UNCX: variants seen among roughly 807,000 people sequenced by gnomAD.
UNCX encodes the protein homeobox protein unc-4 homolog.
UNCX carries 4 observed loss-of-function variants against 14.8 expected under a neutral mutation model. The observed-to-expected ratio is 0.27, with a 90% confidence interval of 0.13 to 0.62. UNCX has a LOEUF of 0.62. UNCX is among the 20% of genes least tolerant of loss of function. The probability of loss-of-function intolerance (pLI) is 0.86; values close to 1 mark genes in which losing one functional copy is unlikely to be tolerated. For synonymous variants in UNCX, 459 were observed against 395.8 expected (o/e 1.16, Z -1.90); for missense variants, 749 against 786.8 (o/e 0.95, Z 0.58).
At chr7:1,234,588 T>C (rs1778705691) in intron 2 of UNCX, among the ~76,000 whole-genome samples, 1 of 150,712 alleles carries the variant, frequency 6.6e-6, no homozygotes, top group Admixed American at 6.6e-5. Context: ...TCTAAAAAGG[T>C]GTGTTTGTCC....
In UNCX at chr7:1,236,216, G is replaced by C. The variant is rs1288598830; in HGVS notation, c.835G>C (p.Gly279Arg). The C allele has an allele frequency of 1.8e-5, 24 of 1,344,364 alleles. No homozygotes were observed. The highest frequency in any genetic ancestry group is 2.7e-5 in the Admixed American group (1 of 36,728). The allele number at this position is 1,344,364 out of a possible 1,614,324, so 83.3% of individuals were successfully genotyped here. Reference sequence around the variant, plus strand: ...CCCTCCCGGCGAGCCGCCTGCACCCGGCACCTGCGACCCCGCCTTCTACCC... The same window carrying C: ...CCCTCCCGGCGAGCCGCCTGCACCCCGCACCTGCGACCCCGCCTTCTACCC... ...PAPPGEPPAP[G>R]TCDPAFYPSQ... The change falls in exon 3 of 3, where the codon GGC (glycine) becomes CGC (arginine). Residue 279 changes from glycine to arginine, a missense_variant. Transcript: ENST00000316333. The surrounding 1 kb of genome is among the most constrained non-coding windows in gnomAD (Gnocchi z 6.9).
chr7:1,235,743 C>T, intron 2 of UNCX, 89 bp from the exon 3 acceptor site: 1 of 1,228,572 alleles, frequency 8.1e-7, no homozygotes, highest in Non-Finnish European at 1.1e-6. Context: ...GTTGTGCAGG[C>T]CCCTCTGGGG....
In UNCX at chr7:1,236,414, C is replaced by T. The variant is rs1195677089; in HGVS notation, c.1033C>T (p.Arg345Trp). ...CCTCCTGTCCGACTCGCCGCCGCGC[C>T]GGAAAGCCGCTTCCAACGCCGCCGC... The part of the protein sequence containing the change: ...ESLLSDSPPR[R>W]KAASNAAAAA... Residue 345 changes from arginine (R) to tryptophan (W), a missense_variant, in exon 3 of 3, where the codon CGG becomes TGG. Physicochemically the swap from Arg to Trp is moderately radical, Grantham distance 101. This residue lies in a region of UNCX where 552 missense variants were observed against 507.2 expected (regional missense o/e 1.09). Transcript: ENST00000316333. The surrounding 1 kb of genome is among the most constrained non-coding windows in gnomAD (Gnocchi z 6.9). The T allele has an allele frequency of 2.2e-6, 3 of 1,369,666 alleles. No homozygotes were observed. The highest frequency in any genetic ancestry group is 1.6e-5 in the African/African-American group (1 of 64,452). The allele number at this position is 1,369,666 out of a possible 1,614,324, so 84.8% of individuals were successfully genotyped here. A position where few individuals can be genotyped will look rare whatever the true frequency, so the allele number is the denominator to read the frequency against.
In UNCX at chr7:1,236,014, G is replaced by A. The variant is rs749074935; in HGVS notation, c.633G>A (p.Leu211=). 1.2e-6 allele frequency: 2 copies of A among 1,606,986 alleles called. No homozygotes were observed. Among genetic ancestry groups the A allele is most frequent in the South Asian group, 1.1e-5 (1 of 90,368 alleles). Residue 211 remains leucine, a synonymous_variant, in exon 3 of 3, where the codon CTG becomes CTA. Transcript: ENST00000316333. This position sits in a 1 kb window ranked among gnomAD's most constrained non-coding sequence, Gnocchi z 6.9. ...AGAAGCGCAAGCACGAGAAGAAGCT[G>A]CTGAAGAGCCAGGGCCGCCACTTGC... ...EKKKRKHEKK[L]LKSQGRHLHS...
Position 1,233,030 on chromosome 7 carries a change from C to A in UNCX, c.13C>A (p.Arg5Ser). 9 of 1,283,810 alleles carry A rather than the reference C, an allele frequency of 7.0e-6. No homozygotes were observed. Among genetic ancestry groups the A allele is most frequent in the Non-Finnish European group, 8.9e-6 (9 of 1,013,012 alleles). The allele number at this position is 1,283,810 out of a possible 1,614,324, so 79.5% of individuals were successfully genotyped here. A position where few individuals can be genotyped will look rare whatever the true frequency, so the allele number is the denominator to read the frequency against. ...CCCCCCGCGCGAGATGATGGACGGCCGCCTCCTGGAACACCCGCATGCCCA... is the reference window on the plus strand; with the variant it reads ...CCCCCCGCGCGAGATGATGGACGGCAGCCTCCTGGAACACCCGCATGCCCA... MMDG[R>S]LLEHPHAQFG... The change falls in exon 1 of 3, where the codon CGC becomes AGC. Residue 5 changes from arginine to serine, a missense_variant. Arg to Ser is a moderately radical substitution (Grantham distance 110). Coordinates refer to ENST00000316333, the MANE Select transcript of UNCX (RefSeq NM_001080461.3). This position sits in a 1 kb window ranked among gnomAD's most constrained non-coding sequence, Gnocchi z 5.3.
Position 1,236,294 on chromosome 7 carries a change from A to G in UNCX, c.913A>G (p.Lys305Glu), listed in dbSNP as rs946348875. Residue 305 changes from lysine (K) to glutamate (E), a missense_variant, in exon 3 of 3, where the codon AAG becomes GAG. Lys to Glu is a moderately conservative substitution (Grantham distance 56, BLOSUM62 1). This residue lies in a region of UNCX where 552 missense variants were observed against 507.2 expected (regional missense o/e 1.09). Coordinates refer to ENST00000316333, the MANE Select transcript of UNCX (RefSeq NM_001080461.3). This position sits in a 1 kb window ranked among gnomAD's most constrained non-coding sequence, Gnocchi z 6.9. ...GCCGCGCCCAGGTCGCCCTGCGGAC[A>G]AGGACGCGGCCTCGTGCGGGCCAGG... is the stretch of plus-strand genomic sequence containing the variant. ...PQPRPGRPADKDAASCGPGAA... is the reference protein window; with the variant it reads ...PQPRPGRPADEDAASCGPGAA... The G allele has an allele frequency of 3.6e-6, 5 of 1,372,150 alleles. No individual in the cohort carries two copies. Among genetic ancestry groups the G allele is most frequent in the Middle Eastern group, 2.7e-4 (1 of 3,666 alleles). 85.0% of individuals were successfully genotyped at this position (1,372,150 alleles called of 1,614,324 possible).
rs1778748345 is a variant in UNCX, at chr7:1,236,628, C to G, written c.1247C>G (p.Pro416Arg). Residue 416 changes from proline (P) to arginine (R), a missense_variant, in exon 3 of 3, where the codon CCG becomes CGG. Pro to Arg is a moderately radical substitution (Grantham distance 103). Transcript: ENST00000316333. The surrounding 1 kb of genome is among the most constrained non-coding windows in gnomAD (Gnocchi z 6.9). Reference sequence around the variant, plus strand: ...GACGCGCCGCCCGCGCCCGCCGTGCCGCCCGCGCCGCCTGCCCAGGCCAGT... The same window carrying G: ...GACGCGCCGCCCGCGCCCGCCGTGCGGCCCGCGCCGCCTGCCCAGGCCAGT... ...PKDAPPAPAV[P>R]PAPPAQASFG... The G allele has an allele frequency of 1.9e-6, 2 of 1,057,560 alleles. No individual in the cohort carries two copies. The highest frequency in any genetic ancestry group is 2.3e-6 in the Non-Finnish European group (2 of 882,824). The allele number at this position is 1,057,560 out of a possible 1,614,324, so 65.5% of individuals were successfully genotyped here. A position where few individuals can be genotyped will look rare whatever the true frequency, so the allele number is the denominator to read the frequency against.
rs1385746299 is a variant in UNCX, at chr7:1,237,244, A to T, written c.*267A>T. ...GCCCCCAAAAAACCCCACAACGAGA[A>T]TCCTCAGCCTTGTAAAATGCAAAAA... On this transcript the variant is annotated 3_prime_UTR_variant, in exon 3 of 3. Transcript: ENST00000316333. The surrounding 1 kb of genome is among the most constrained non-coding windows in gnomAD (Gnocchi z 5.8). 5.7e-6 allele frequency: 1 copy of T among 175,578 alleles called. No homozygotes were observed. The highest frequency in any genetic ancestry group is 2.4e-5 in the African/African-American group (1 of 42,100). 10.9% of individuals were successfully genotyped at this position (175,578 alleles called of 1,614,324 possible).
intron 2 of UNCX, among the ~76,000 whole-genome samples, chr7:1,235,314 A>C (rs1038354609): frequency 6.6e-6 from 1 of 152,182 alleles, no homozygotes; most frequent in Non-Finnish European, 1.5e-5. Flanking sequence ...ATTTCCCTTC[A>C]AGGGATTCCG....
chr7:1,236,853 C>T lies in UNCX; in HGVS notation c.1472C>T (p.Pro491Leu), dbSNP rs940265208. 5.8e-5 allele frequency: 59 copies of T among 1,011,694 alleles called. No homozygotes were observed. The Admixed American group carries it at 1.9e-3, about 33-fold the overall frequency. 62.7% of individuals were successfully genotyped at this position (1,011,694 alleles called of 1,614,324 possible). Residue 491 changes from proline to leucine, a missense_variant, in exon 3 of 3, where the codon CCG becomes CTG. Transcript: ENST00000316333. The surrounding 1 kb of genome is among the most constrained non-coding windows in gnomAD (Gnocchi z 6.9). ...GGCCCCGCGCCCCCGCCGCCCGCGC[C>T]GTCGCCCAGGCCCGGCCCTCGGCCT... ...TAGPAPPPPA[P>L]SPRPGPRPPS...
rs562558370 is a variant in UNCX, at chr7:1,233,415, G to GCT, written c.275-104_275-103insTC. On this transcript the variant is annotated intron_variant, in intron 1 of 2. Transcript: ENST00000316333. This position sits in a 1 kb window ranked among gnomAD's most constrained non-coding sequence, Gnocchi z 5.3. ...CCGGCTCCTAGGCGGCCGTCTCTGC[G>GCT]CCCCCCCCCCCGGATCCAGGCGGCC... The GCT allele has an allele frequency of 4.4e-6, 5 of 1,135,038 alleles. No homozygotes were observed. Among genetic ancestry groups the GCT allele is most frequent in the South Asian group, 2.2e-5 (1 of 44,826 alleles). The allele number at this position is 1,135,038 out of a possible 1,614,324, so 70.3% of individuals were successfully genotyped here. A position where few individuals can be genotyped will look rare whatever the true frequency, so the allele number is the denominator to read the frequency against.
rs1187363943 is a variant in UNCX at position 1,233,033 on chromosome 7, C to A, written c.16C>A (p.Leu6Ile). 7 of 1,307,602 alleles carry A rather than the reference C, an allele frequency of 5.4e-6. No homozygotes were observed. In the East Asian group the frequency reaches 1.9e-4, roughly 36 times the overall value. The allele number at this position is 1,307,602 out of a possible 1,614,324, so 81.0% of individuals were successfully genotyped here. A position where few individuals can be genotyped will look rare whatever the true frequency, so the allele number is the denominator to read the frequency against. ...CCCGCGCGAGATGATGGACGGCCGC[C>A]TCCTGGAACACCCGCATGCCCAGTT... Reference protein sequence around the residue: MMDGRLLEHPHAQFGG... With the variant: MMDGRILEHPHAQFGG... Residue 6 changes from leucine (L) to isoleucine (I), a missense_variant, in exon 1 of 3, where the codon CTC becomes ATC. By Grantham distance (5) the Leu-to-Ile change is conservative (BLOSUM62 2). Coordinates refer to ENST00000316333, the MANE Select transcript of UNCX (RefSeq NM_001080461.3). This position sits in a 1 kb window ranked among gnomAD's most constrained non-coding sequence, Gnocchi z 5.3.
intron 2 of UNCX, among the ~76,000 whole-genome samples, chr7:1,234,144 A>C (rs969764477): frequency 2.1e-4 from 32 of 151,564 alleles, no homozygotes; most frequent in Admixed American, 2.0e-3. Flanking sequence ...GGAGCGAACG[A>C]GTCTGTTTAC....
rs200835037 is a variant in UNCX, at chr7:1,233,701, G to C, written c.450+6G>C. ...TGGTCGAGTCCCGAGTTCAGGTAAA[G>C]ACCCGGCGTCGCTCCCGGATCTGCC... On this transcript the variant is annotated splice_donor_region_variant and intron_variant, in intron 2 of 2. Transcript: ENST00000316333. This position sits in a 1 kb window ranked among gnomAD's most constrained non-coding sequence, Gnocchi z 5.3. The C allele has an allele frequency of 3.1e-6, 5 of 1,588,350 alleles. No homozygotes were observed. The Admixed American group carries it at 6.9e-5, about 22-fold the overall frequency.
At position 1,233,526 on chromosome 7, in the gene UNCX, G is replaced by A; in HGVS notation, c.281G>A (p.Gly94Glu). ...DGQPFKLSDS[G>E]DPDKESPGCK... Reference sequence around the variant, plus strand: ...GTCCTGTGACTGCCCGCAGACTCGGGGGACCCGGACAAGGAGAGCCCGGGC... The same window carrying A: ...GTCCTGTGACTGCCCGCAGACTCGGAGGACCCGGACAAGGAGAGCCCGGGC... Residue 94 changes from glycine (G) to glutamate (E), a missense_variant, in exon 2 of 3, where the codon GGG (glycine) becomes GAG (glutamate). Gly to Glu is a moderately conservative substitution (Grantham distance 98). This residue lies in a region of UNCX where 155 missense variants were observed against 166.7 expected (regional missense o/e 0.93). Coordinates refer to ENST00000316333, the MANE Select transcript of UNCX (RefSeq NM_001080461.3). The surrounding 1 kb of genome is among the most constrained non-coding windows in gnomAD (Gnocchi z 5.3). The A allele has an allele frequency of 1.9e-6, 3 of 1,611,352 alleles. No individual in the cohort carries two copies. Among genetic ancestry groups the A allele is most frequent in the Non-Finnish European group, 1.7e-6 (2 of 1,179,480 alleles).
At chr7:1,235,040 T>G (rs1035473179) in intron 2 of UNCX, among the ~76,000 whole-genome samples, 2 of 152,190 alleles carry the variant, frequency 1.3e-5, no homozygotes, top group African/African-American at 4.8e-5. Context: ...ATGTCCTGTG[T>G]GGCTCCCCAG....
Position 1,233,301 on chromosome 7 carries a change from G to A in UNCX, c.274+10G>A. 3 of 1,318,042 alleles carry A rather than the reference G, an allele frequency of 2.3e-6. No homozygotes were observed. Among genetic ancestry groups the A allele is most frequent in the Non-Finnish European group, 2.9e-6 (3 of 1,040,306 alleles). The allele number at this position is 1,318,042 out of a possible 1,614,324, so 81.6% of individuals were successfully genotyped here. Reference sequence around the variant, plus strand: ...CCCTTCAAGCTGTCAGGTAGGCGCGGCGGGCGGGAGGGCGGGGAGGAGTGC... The same window carrying A: ...CCCTTCAAGCTGTCAGGTAGGCGCGACGGGCGGGAGGGCGGGGAGGAGTGC... On this transcript the variant is annotated intron_variant, in intron 1 of 2. Transcript: ENST00000316333. The surrounding 1 kb of genome is among the most constrained non-coding windows in gnomAD (Gnocchi z 5.3).
intron 2 of UNCX, among the ~76,000 whole-genome samples, chr7:1,234,267 G>C (rs779818410): frequency 1.3e-5 from 2 of 152,198 alleles, no homozygotes; most frequent in Non-Finnish European, 2.9e-5. Context: ...TTGAGAAAGT[G>C]GGAGAAAAAA....
rs1290363582 is a variant in UNCX, at chr7:1,236,749, C to T, written c.1368C>T (p.Ala456=). Residue 456 remains alanine (A), a synonymous_variant, in exon 3 of 3, where the codon GCC becomes GCT. Coordinates refer to ENST00000316333, the MANE Select transcript of UNCX (RefSeq NM_001080461.3). The surrounding 1 kb of genome is among the most constrained non-coding windows in gnomAD (Gnocchi z 6.9). ...CCTCCCCGGGGGCCCCAGCCCCGGC[C>T]CCGGCGCCTTTCCGGGACCTCGCCT... ...AVASPGAPAP[A]PAPFRDLASA... 2 of 989,506 alleles carry T rather than the reference C, an allele frequency of 2.0e-6. No individual in the cohort carries two copies. The highest frequency in any genetic ancestry group is 2.4e-6 in the Non-Finnish European group (2 of 834,224). The allele number at this position is 989,506 out of a possible 1,614,324, so 61.3% of individuals were successfully genotyped here. A position where few individuals can be genotyped will look rare whatever the true frequency, so the allele number is the denominator to read the frequency against.
Sources: gnomAD v4.1 joint callset for allele counts (sites outside exome capture counted in the v4.1 genomes callset) on GRCh38, gnomAD v4.1.1 for gene constraint, gnomAD v4.1.1 regional missense constraint, Gnocchi (gnomAD v3.1) non-coding constraint, MANE v1.5 for transcripts, NCBI Gene and HGNC (gene_info 2026-07-23, HGNC 2026-07-21) for gene names.